Variants in GRIK4 observed in about 807,000 individuals in gnomAD.
The protein encoded by GRIK4 is glutamate ionotropic receptor kainate type subunit 4, also known as glutamate receptor ionotropic, kainate 4.
A neutral mutation model predicts 104.9 loss-of-function variants in GRIK4; 40 were observed. The observed-to-expected ratio is 0.38, with a 90% CI of 0.30 to 0.50. The LOEUF is 0.50. Ranked by LOEUF, GRIK4 falls within the 20% of genes least tolerant of loss-of-function variation. The pLI, the probability that GRIK4 is intolerant of heterozygous loss-of-function variation, is 0.93. For synonymous variants in GRIK4, 485 were observed against 524.9 expected, an observed-to-expected ratio of 0.92 and a Z score of 1.04; for missense variants, 1,047 against 1,308.1, an observed-to-expected ratio of 0.80 and a Z score of 3.08.
At chr11:120,713,789 T>C (rs1242110754) in intron 3 of GRIK4, among the ~76,000 whole-genome samples, 1 of 152,158 alleles carries the variant, frequency 6.6e-6, no homozygotes, top group Non-Finnish European at 1.5e-5. Flanking sequence ...TTCACTTAGG[T>C]GACTGCTTTG....
chr11:120,834,194 G>T (rs1039206486), intron 7 of GRIK4, among the ~76,000 whole-genome samples: 2 of 151,978 alleles, frequency 1.3e-5, no homozygotes, highest in African/African-American at 2.4e-5. Context: ...TTACACTTTC[G>T]CCAGCAGCAT....
Position 120,532,340 on chromosome 11 carries a change from C to T in GRIK4, c.-159+20453C>T, listed in dbSNP as rs554471325. Among the ~76,000 whole-genome samples the T allele has an allele frequency of 6.6e-5, 10 of 152,274 alleles. No homozygotes were observed. The East Asian group carries it at 1.7e-3, about 26-fold the overall frequency. ...CCGGCTGCCCTTGTGCCCGGGGGTC[C>T]GCCCTGGGTGTGGACCCAGGAGTCG... On this transcript the variant is annotated intron_variant, in intron 1 of 20. Transcript: ENST00000527524.
intron 1 of GRIK4, among the ~76,000 whole-genome samples, chr11:120,552,237 G>A (rs568327925): frequency 6.6e-6 from 1 of 152,342 alleles, no homozygotes; most frequent in South Asian, 2.1e-4. Context: ...GGTAGACAGT[G>A]TTGGAGTTGA....
At chr11:120,766,114 A>T (rs1951834934) in intron 3 of GRIK4, among the ~76,000 whole-genome samples, 1 of 152,190 alleles carries the variant, frequency 6.6e-6, no homozygotes, top group East Asian at 1.9e-4. Context: ...TAAGCTGCTG[A>T]CTGGGGCTGC....
At chr11:120,582,267 A>G (rs1440892769) in intron 1 of GRIK4, among the ~76,000 whole-genome samples, 6 of 150,886 alleles carry the variant, frequency 4.0e-5, no homozygotes, top group Non-Finnish European at 7.4e-5. Flanking sequence ...AATAGTATGT[A>G]TATATATACA....
At chr11:120,969,942 A>G (rs1399519410) in intron 19 of GRIK4, among the ~76,000 whole-genome samples, 1 of 152,096 alleles carries the variant, frequency 6.6e-6, no homozygotes, top group African/African-American at 2.4e-5. Flanking sequence ...AGAGCACTCA[A>G]TGCACTATGC....
Position 120,939,630 on chromosome 11 carries a change from T to C in GRIK4, c.1477-717T>C, listed in dbSNP as rs1943672921. On this transcript the variant is annotated intron_variant, in intron 13 of 20. Transcript: ENST00000527524. This position sits in a 1 kb window ranked among gnomAD's most constrained non-coding sequence, Gnocchi z 5.6. ...ATTGTAGCCCCTTCAGCAAAGTTTC[T>C]TACACACCATAAGCAGTCAGTGGAG... Among the ~76,000 whole-genome samples, 2 of 152,202 alleles carry C rather than the reference T, an allele frequency of 1.3e-5. No homozygotes were observed. The highest frequency in any genetic ancestry group is 4.1e-4 in the South Asian group (2 of 4,830).
intron 3 of GRIK4, among the ~76,000 whole-genome samples, chr11:120,673,609 G>A (rs1950055157): frequency 6.6e-6 from 1 of 152,176 alleles, no homozygotes; most frequent in Admixed American, 6.5e-5. Flanking sequence ...GTCCACCAGC[G>A]CTTGTGTTTC....
intron 13 of GRIK4, among the ~76,000 whole-genome samples, chr11:120,937,118 ACCTC>A (rs1943614402): frequency 2.0e-5 from 3 of 151,788 alleles, no homozygotes; most frequent in Admixed American, 2.0e-4. Flanking sequence ...GCTCACTGCA[ACCTC>A]CATCTCCCGG....
intron 2 of GRIK4, among the ~76,000 whole-genome samples, chr11:120,658,523 T>C (rs1949750548): frequency 6.6e-6 from 1 of 152,156 alleles, no homozygotes. Flanking sequence ...GTCCACATCC[T>C]TGCTAACACT....
At chr11:120,722,612 CA>C (rs35167995) in intron 3 of GRIK4, among the ~76,000 whole-genome samples, 56,552 of 141,884 alleles carry the variant, frequency 0.4, 12,209 homozygotes, top group Middle Eastern at 0.53. Context: ...GAGACTCCAT[CA>C]AAAAAAAAAA....
chr11:120,869,473 A>G (rs1331638144), intron 9 of GRIK4: 1 of 152,340 alleles, frequency 6.6e-6, no homozygotes, highest in Non-Finnish European at 1.5e-5. Flanking sequence ...TAGTACTAGA[A>G]GCACTCGAAG....
intron 1 of GRIK4, among the ~76,000 whole-genome samples, chr11:120,642,282 G>T (rs1335393522): frequency 6.6e-6 from 1 of 152,158 alleles, no homozygotes; most frequent in East Asian, 1.9e-4. Context: ...AGTGAGCCAT[G>T]ATCATGCCAC....
At chr11:120,771,337 A>T (rs1334982854) in intron 3 of GRIK4, among the ~76,000 whole-genome samples, 1 of 152,238 alleles carries the variant, frequency 6.6e-6, no homozygotes, top group African/African-American at 2.4e-5. Flanking sequence ...CATCCTTCTT[A>T]TAAAGTGGCA....
Position 120,819,786 on chromosome 11 carries a change from T to A in GRIK4, c.377T>A (p.Phe126Tyr). The A allele has an allele frequency of 6.2e-7, 1 of 1,614,142 alleles. No individual in the cohort carries two copies. The highest frequency in any genetic ancestry group is 8.5e-7 in the Non-Finnish European group (1 of 1,180,010). The change falls in exon 6 of 21, where the codon TTC becomes TAC. Residue 126 changes from phenylalanine to tyrosine, a missense_variant. Transcript: ENST00000527524. The surrounding 1 kb of genome is among the most constrained non-coding windows in gnomAD (Gnocchi z 4.3). ...VPHFKVAPEE[F>Y]VKFQFQRFTT... ...CACTTCAAAGTGGCCCCAGAGGAGT[T>A]CGTCAAGTTCCAGTTCCAGAGATTC...
At chr11:120,623,604 C>T (rs2135169164) in intron 1 of GRIK4, among the ~76,000 whole-genome samples, 1 of 152,320 alleles carries the variant, frequency 6.6e-6, no homozygotes, top group Non-Finnish European at 1.5e-5. Context: ...TCTTCTATTT[C>T]ATTAAAGAAA....
At chr11:120,520,145 A>G (rs1947779695) in intron 1 of GRIK4, among the ~76,000 whole-genome samples, 1 of 152,038 alleles carries the variant, frequency 6.6e-6, no homozygotes, top group African/African-American at 2.4e-5. Context: ...CACCCGCCTC[A>G]GCCCCCCAAA....
In GRIK4 at chr11:120,953,445, C is replaced by T. The variant is rs1273216468; in HGVS notation, c.1700+481C>T. 6.6e-6 allele frequency among the ~76,000 whole-genome samples: 1 copy of T among 152,176 alleles called. No homozygotes were observed. The highest frequency in any genetic ancestry group is 1.9e-4 in the East Asian group (1 of 5,190). ...GGGGGCACTGGGGGCTGCAGTGGAG[C>T]AGGCCAGGGAGAAGGCTTTCTCTGC... On this transcript the variant is annotated intron_variant, in intron 15 of 20. Transcript: ENST00000527524. This position sits in a 1 kb window ranked among gnomAD's most constrained non-coding sequence, Gnocchi z 4.9.
chr11:120,775,571 G>T (rs1178781951), intron 3 of GRIK4, among the ~76,000 whole-genome samples: 1 of 152,236 alleles, frequency 6.6e-6, no homozygotes, highest in Non-Finnish European at 1.5e-5. Context: ...CTTACTACGT[G>T]TATGGAACAA....
Sources: gnomAD v4.1 joint callset for allele counts (sites outside exome capture counted in the v4.1 genomes callset) on GRCh38, gnomAD v4.1.1 for gene constraint, Gnocchi (gnomAD v3.1) non-coding constraint, MANE v1.5 for transcripts, NCBI Gene and HGNC (gene_info 2026-07-23, HGNC 2026-07-21) for gene names.